Variants in CUX1 observed in about 807,000 individuals in gnomAD.
The protein encoded by CUX1 is cut like homeobox 1.
A neutral mutation model predicts 158.8 loss-of-function variants in CUX1; 31 were observed. The observed-to-expected ratio is 0.20, with a 90% CI of 0.15 to 0.26. The LOEUF (loss-of-function observed/expected upper bound fraction) is 0.26. Among genes scored for constraint, CUX1 ranks in the 10% least tolerant of loss-of-function variants. CUX1 has a pLI of 1.00. For missense variants in CUX1, 1,589 were observed against 2,014.6 expected, an observed-to-expected ratio of 0.79 and a Z score of 4.04; for synonymous variants, 879 against 862.1, an observed-to-expected ratio of 1.02 and a Z score of -0.34.
At chr7:101,943,268 G>A (rs536045642) in intron 2 of CUX1, among the ~76,000 whole-genome samples, 1 of 151,758 alleles carries the variant, frequency 6.6e-6, no homozygotes, top group African/African-American at 2.4e-5. Flanking sequence ...CACCATGCCT[G>A]GCTAATTTTT....
chr7:102,046,720 G>A (rs1432362710), intron 3 of CUX1, among the ~76,000 whole-genome samples: 1 of 151,802 alleles, frequency 6.6e-6, no homozygotes, highest in African/African-American at 2.4e-5. Context: ...GGGACTACAG[G>A]TACACACCAC....
intron 1 of CUX1, among the ~76,000 whole-genome samples, chr7:101,906,999 C>T (rs966592238): frequency 2.6e-5 from 4 of 152,142 alleles, no homozygotes; most frequent in Admixed American, 6.5e-5. Flanking sequence ...TCTGACATCA[C>T]GTACCAGAAC....
chr7:102,026,157 T>G (rs956353818), intron 2 of CUX1, among the ~76,000 whole-genome samples: 1 of 152,062 alleles, frequency 6.6e-6, no homozygotes, highest in South Asian at 2.1e-4. Flanking sequence ...CTAACCTGGA[T>G]GACAGAGCAA....
At chr7:102,267,483 G>A (rs1554545319) in intron 14 of CUX1, among the ~76,000 whole-genome samples, 2 of 152,050 alleles carry the variant, frequency 1.3e-5, no homozygotes, top group Admixed American at 6.6e-5. Context: ...GCAGAGAGCC[G>A]AGATCATACC....
At chr7:102,103,640 T>C (rs1830018963) in intron 5 of CUX1, among the ~76,000 whole-genome samples, 2 of 152,132 alleles carry the variant, frequency 1.3e-5, no homozygotes, top group South Asian at 4.1e-4. Context: ...TCGCTGTGTT[T>C]CTGGGGTTGG....
At chr7:102,046,473 T>A (rs1346465650) in intron 3 of CUX1, among the ~76,000 whole-genome samples, 1 of 152,010 alleles carries the variant, frequency 6.6e-6, no homozygotes, top group African/African-American at 2.4e-5. Context: ...CTTCAAGTGA[T>A]CCACCTGCCT....
intron 4 of CUX1, among the ~76,000 whole-genome samples, chr7:102,084,793 G>A (rs1263279339): frequency 1.4e-5 from 2 of 144,178 alleles, no homozygotes; most frequent in African/African-American, 5.2e-5. Context: ...GGTTGATAGT[G>A]TTGTTCATGT....
At chr7:101,852,979 C>T (rs1796430941) in intron 1 of CUX1, among the ~76,000 whole-genome samples, 1 of 152,098 alleles carries the variant, frequency 6.6e-6, no homozygotes, top group African/African-American at 2.4e-5. Flanking sequence ...TGCTTGGCCT[C>T]TGCATTGAAT....
Position 101,817,789 on chromosome 7 carries a change from G to A in CUX1, c.30+120G>A. ...TAGGGCGGCCTGGTGCTCTGGGAGGGGATAGGAGGGTTCCTCAGGGCCCCT... is the reference window on the plus strand; with the variant it reads ...TAGGGCGGCCTGGTGCTCTGGGAGGAGATAGGAGGGTTCCTCAGGGCCCCT... On this transcript the variant is annotated intron_variant, in intron 1 of 23. Coordinates refer to ENST00000292535, the MANE Select transcript of CUX1 (RefSeq NM_181552.4). The surrounding 1 kb of genome is among the most constrained non-coding windows in gnomAD (Gnocchi z 4.1). The A allele has an allele frequency of 8.2e-7, 1 of 1,214,280 alleles. No homozygotes were observed. The highest frequency in any genetic ancestry group is 1.1e-6 in the Non-Finnish European group (1 of 888,708). 75.2% of individuals were successfully genotyped at this position (1,214,280 alleles called of 1,614,324 possible).
Position 102,193,386 on chromosome 7 carries a change from TTA to T in CUX1, c.1077-454_1077-453del, listed in dbSNP as rs1249259196. Among the ~76,000 whole-genome samples, 26 of 152,258 alleles carry T rather than the reference TTA, an allele frequency of 1.7e-4. 1 individual carries two copies. Among genetic ancestry groups the T allele is most frequent in the Admixed American group, 1.7e-3 (26 of 15,284 alleles). On this transcript the variant is annotated intron_variant, in intron 12 of 23. Coordinates refer to ENST00000292535, the MANE Select transcript of CUX1 (RefSeq NM_181552.4). ...TGCCAGCCAACTGCTAGTTGAATAGTTATTCTAGAGACATTATCAGATTCTAT... is the reference window on the plus strand; with the variant it reads ...TGCCAGCCAACTGCTAGTTGAATAGTTTCTAGAGACATTATCAGATTCTAT...
chr7:102,215,237 T>G (rs1554524212), intron 20 of CUX1, among the ~76,000 whole-genome samples: 2 of 26,926 alleles, frequency 7.4e-5, no homozygotes, highest in African/African-American at 2.2e-4. Context: ...AACTTTTTTT[T>G]TTTTTTTTTT....
Position 102,242,641 on chromosome 7 carries a change from G to A in CUX1, c.3887+3057G>A, listed in dbSNP as rs569710912. Among the ~76,000 whole-genome samples, 3 of 152,286 alleles carry A rather than the reference G, an allele frequency of 2.0e-5. No individual in the cohort carries two copies. The South Asian group carries it at 6.2e-4, about 32-fold the overall frequency. ...TGCAAAGCCCTAGGTTACCATCTGG[G>A]CATAGATGCTACCAATTATACAAAA... On this transcript the variant is annotated intron_variant, in intron 23 of 23. Transcript: ENST00000292535.
At chr7:101,885,071 T>C (rs553259472) in intron 1 of CUX1, among the ~76,000 whole-genome samples, 1 of 152,222 alleles carries the variant, frequency 6.6e-6, no homozygotes, top group Non-Finnish European at 1.5e-5. Flanking sequence ...GCGGAAATAT[T>C]TGTTGAACTG....
chr7:101,850,480 C>G (rs527611864), intron 1 of CUX1, among the ~76,000 whole-genome samples: 1 of 142,380 alleles, frequency 7.0e-6, no homozygotes, highest in Admixed American at 7.2e-5. Context: ...CTGGAATTGC[C>G]GTGGTGCGAT....
chr7:101,943,690 A>C (rs912347704), intron 2 of CUX1, among the ~76,000 whole-genome samples: 1 of 145,080 alleles, frequency 6.9e-6, no homozygotes, highest in Non-Finnish European at 1.5e-5. Context: ...TTTAAAATTT[A>C]AAAAAAAAAA....
chr7:102,107,954 C>T (rs1554489039), intron 6 of CUX1, among the ~76,000 whole-genome samples: 8 of 152,210 alleles, frequency 5.3e-5, no homozygotes. Flanking sequence ...AAGGAGTGCG[C>T]ATCACAGAGT....
At chr7:102,086,616 G>GTT (rs1339947874) in intron 4 of CUX1, among the ~76,000 whole-genome samples, 96 of 144,292 alleles carry the variant, frequency 6.7e-4, no homozygotes, top group African/African-American at 2.1e-3. Flanking sequence ...TTTTTTCGTT[G>GTT]TTTTTTTTTT....
At position 102,178,384 on chromosome 7, in the gene CUX1, C is replaced by T. The variant is rs1792628845; in HGVS notation, c.829-85C>T. 3 of 1,303,072 alleles carry T rather than the reference C, an allele frequency of 2.3e-6. No individual in the cohort carries two copies. The East Asian group carries it at 7.2e-5, about 31-fold the overall frequency. 80.7% of individuals were successfully genotyped at this position (1,303,072 alleles called of 1,614,324 possible). A position where few individuals can be genotyped will look rare whatever the true frequency, so the allele number is the denominator to read the frequency against. On this transcript the variant is annotated intron_variant, in intron 10 of 23. Coordinates refer to ENST00000292535, the MANE Select transcript of CUX1 (RefSeq NM_181552.4). ...CATCCACACACTGACATCTGTGCAGCTTCTGTCTCAGTTGCCAGCACAGGT... is the reference window on the plus strand; with the variant it reads ...CATCCACACACTGACATCTGTGCAGTTTCTGTCTCAGTTGCCAGCACAGGT...
chr7:102,200,933 G>T (rs1423601381), intron 17 of CUX1, among the ~76,000 whole-genome samples: 1 of 149,010 alleles, frequency 6.7e-6, no homozygotes, highest in African/African-American at 2.5e-5. Context: ...TGAGCTGGGA[G>T]GATTGCTTGA....
Sources: gnomAD v4.1 joint callset for allele counts (sites outside exome capture counted in the v4.1 genomes callset) on GRCh38, gnomAD v4.1.1 for gene constraint, Gnocchi (gnomAD v3.1) non-coding constraint, MANE v1.5 for transcripts, NCBI Gene and HGNC (gene_info 2026-07-23, HGNC 2026-07-21) for gene names.